ACTR6: variants seen among roughly 807,000 people sequenced by gnomAD.
ACTR6 encodes actin-related protein 6.
In ACTR6, 50 loss-of-function variants were observed where a neutral mutation model predicts 52.5. The ratio of observed to expected loss-of-function variants is 0.95; its 90% confidence interval spans 0.76 to 1.20. The LOEUF (loss-of-function observed/expected upper bound fraction) is 1.20, where lower values mean the gene tolerates loss of function less well. Ranked by LOEUF, ACTR6 falls within the 50% of genes most tolerant of loss-of-function variation. The pLI is 0.00. For missense variants in ACTR6, 344 were observed against 472.4 expected, an observed-to-expected ratio of 0.73 and a Z score of 2.52; for synonymous variants, 135 against 147.2, an observed-to-expected ratio of 0.92 and a Z score of 0.60.
chr12:100,205,194 T>G (rs2096113464), intron 2 of ACTR6, 137 bp downstream of exon 2: 3 of 545,070 alleles, frequency 5.5e-6, no homozygotes, highest in Non-Finnish European at 9.4e-6. Flanking sequence ...TTTAATTGTT[T>G]GGGTAAAAAT....
chr12:100,221,026 A>C (rs2096127840), intron 10 of ACTR6, among the ~76,000 whole-genome samples: 1 of 151,652 alleles, frequency 6.6e-6, no homozygotes, highest in African/African-American at 2.4e-5. Flanking sequence ...AAAAAAAAAA[A>C]CAAAAAAAGA....
At chr12:100,209,510 G>A (rs1470442324) in intron 4 of ACTR6, among the ~76,000 whole-genome samples, 1 of 152,100 alleles carries the variant, frequency 6.6e-6, no homozygotes, top group African/African-American at 2.4e-5. Context: ...GCATCTCATG[G>A]GTAGAGGCCA....
chr12:100,206,458 A>G (rs1477066139), intron 3 of ACTR6, among the ~76,000 whole-genome samples: 3 of 152,194 alleles, frequency 2.0e-5, no homozygotes, highest in Non-Finnish European at 4.4e-5. Flanking sequence ...AGCCTGGGTA[A>G]GACTATGTCT....
At chr12:100,201,118 A>G (rs780351334) in intron 1 of ACTR6, 199 bp downstream of exon 1, 21 of 1,357,614 alleles carry the variant, frequency 1.5e-5, no homozygotes, top group Non-Finnish European at 2.0e-5. Flanking sequence ...TTGGGCTGCG[A>G]GGCCCCGGAA....
intron 3 of ACTR6, 104 bp downstream of exon 3, chr12:100,205,848 C>A: frequency 3.4e-6 from 2 of 594,300 alleles, no homozygotes; most frequent in South Asian, 4.4e-5. Context: ...TAATGTTCTC[C>A]GCACATTTAA....
chr12:100,217,621 T>C (rs2096124864), intron 8 of ACTR6, among the ~76,000 whole-genome samples: 1 of 152,160 alleles, frequency 6.6e-6, no homozygotes, highest in African/African-American at 2.4e-5. Context: ...CAAGAAAATA[T>C]GAGTCATGGT....
intron 8 of ACTR6, among the ~76,000 whole-genome samples, chr12:100,214,217 G>C (rs542431383): frequency 6.6e-6 from 1 of 152,238 alleles, no homozygotes; most frequent in African/African-American, 2.4e-5. Context: ...AAAAAACTAT[G>C]TATGTGAATG....
intron 3 of ACTR6, among the ~76,000 whole-genome samples, chr12:100,207,431 G>T (rs1309652000): frequency 6.6e-6 from 1 of 152,032 alleles, no homozygotes; most frequent in African/African-American, 2.4e-5. Context: ...TGAGTACATG[G>T]ATTCTGTAAC....
chr12:100,210,201 A>G lies in ACTR6; in HGVS notation c.508A>G (p.Ile170Val). Residue 170 changes from isoleucine to valine, a missense_variant, in exon 5 of 11, where the codon ATT (isoleucine) becomes GTT (valine). Coordinates refer to ENST00000188312, the MANE Select transcript of ACTR6 (RefSeq NM_022496.5). ...YCRSKKKKEA[I>V]IRINVGGKLL... ...TAGAAGTAAAAAGAAAAAAGAAGCA[A>G]TTATTCGGTGAGTTGTATTTAATTT... 3 of 1,602,620 alleles carry G rather than the reference A, an allele frequency of 1.9e-6. No homozygotes were observed. Among genetic ancestry groups the G allele is most frequent in the Non-Finnish European group, 2.6e-6 (3 of 1,172,826 alleles).
At chr12:100,206,026 A>C (rs1182319226) in intron 3 of ACTR6, among the ~76,000 whole-genome samples, 2 of 152,200 alleles carry the variant, frequency 1.3e-5, no homozygotes, top group Non-Finnish European at 2.9e-5. Context: ...AAATACATGA[A>C]TATTACAAGA....
rs754428694 is a variant in ACTR6, at chr12:100,205,742, C to CAGGT, written c.255_255+3dup. The CAGGT allele has an allele frequency of 1.3e-5, 19 of 1,495,194 alleles. No homozygotes were observed. In the Admixed American group the frequency reaches 4.0e-4, roughly 31 times the overall value. 92.6% of individuals were successfully genotyped at this position (1,495,194 alleles called of 1,614,324 possible). A position where few individuals can be genotyped will look rare whatever the true frequency, so the allele number is the denominator to read the frequency against. On this transcript the variant is annotated frameshift_variant and splice_region_variant, in exon 3 of 11. Coordinates refer to ENST00000188312, the MANE Select transcript of ACTR6 (RefSeq NM_022496.5). LOFTEE classifies it high-confidence loss of function. ...TTACCTTTTTGGAAAAGAAATGTAT[C>CAGGT]AGGTAACAAATTAGAGTATGTATTA...
intron 8 of ACTR6, among the ~76,000 whole-genome samples, chr12:100,214,576 AAAATT>A: frequency 6.6e-6 from 1 of 151,984 alleles, no homozygotes; most frequent in Non-Finnish European, 1.5e-5. Flanking sequence ...AAAAAAAAAA[AAAATT>A]AAAATTAGCT....
intron 6 of ACTR6, among the ~76,000 whole-genome samples, chr12:100,210,579 TGTG>T: frequency 6.6e-6 from 1 of 151,908 alleles, no homozygotes; most frequent in East Asian, 1.9e-4. Context: ...ATTAGCCAGG[TGTG>T]GTGGTACACA....
intron 1 of ACTR6, among the ~76,000 whole-genome samples, chr12:100,202,925 C>T (rs2096111094): frequency 6.6e-6 from 1 of 151,732 alleles, no homozygotes; most frequent in Non-Finnish European, 1.5e-5. Flanking sequence ...CTTTTTGGCA[C>T]CAAGGACTGG....
chr12:100,203,375 C>T (rs2096111536), intron 1 of ACTR6, among the ~76,000 whole-genome samples: 1 of 152,142 alleles, frequency 6.6e-6, no homozygotes, highest in African/African-American at 2.4e-5. Context: ...ACAATCTCTG[C>T]TCACTGCAAC....
intron 2 of ACTR6, 156 bp downstream of exon 2, chr12:100,205,213 A>G (rs766532903): frequency 5.7e-6 from 3 of 529,018 alleles, no homozygotes; most frequent in Non-Finnish European, 9.8e-6. Flanking sequence ...ATAAACGACC[A>G]TGATTTAGTT....
intron 8 of ACTR6, 123 bp downstream of exon 8, chr12:100,212,651 T>C (rs1042012911): frequency 8.0e-6 from 5 of 628,116 alleles, no homozygotes; most frequent in Non-Finnish European, 1.1e-5. Context: ...CCTGTCTCTA[T>C]TATAAAATTA....
At chr12:100,204,126 T>C (rs2096112372) in intron 1 of ACTR6, 1 of 152,184 alleles carries the variant, frequency 6.6e-6, no homozygotes, top group Non-Finnish European at 1.5e-5. Context: ...ACTTGTTACA[T>C]ACTGAACTTT....
At chr12:100,216,531 C>G (rs1267189969) in intron 8 of ACTR6, among the ~76,000 whole-genome samples, 1 of 152,174 alleles carries the variant, frequency 6.6e-6, no homozygotes, top group Non-Finnish European at 1.5e-5. Context: ...AGTTCTGGCT[C>G]TCTCCCCTAG....
Sources: gnomAD v4.1 joint callset for allele counts (sites outside exome capture counted in the v4.1 genomes callset) on GRCh38, gnomAD v4.1.1 for gene constraint, MANE v1.5 for transcripts, NCBI Gene and HGNC (gene_info 2026-07-23, HGNC 2026-07-21) for gene names.